AP1G1: variants seen among roughly 807,000 people sequenced by gnomAD.
AP1G1 encodes AP-1 complex subunit gamma-1.
Under a neutral mutation model 108.3 loss-of-function variants are expected in AP1G1, and 7 were observed. That is an observed-to-expected ratio of 0.06 (90% CI 0.04 to 0.12). The LOEUF is 0.12. AP1G1 is among the 10% of genes least tolerant of loss of function. The pLI, the probability that AP1G1 is intolerant of heterozygous loss-of-function variation, is 1.00. For missense variants in AP1G1, 756 were observed against 1,010.7 expected, an observed-to-expected ratio of 0.75 and a Z score of 3.42; for synonymous variants, 379 against 353.5, an observed-to-expected ratio of 1.07 and a Z score of -0.81.
intron 8 of AP1G1, 75 bp downstream of exon 8, chr16:71,764,571 C>T: frequency 7.6e-7 from 1 of 1,308,514 alleles, no homozygotes; most frequent in Non-Finnish European, 1.0e-6. Context: ...ATAAAAACTG[C>T]TCCATATAAC....
At chr16:71,743,787 A>G (rs890242335) in intron 19 of AP1G1, among the ~76,000 whole-genome samples, 9 of 150,524 alleles carry the variant, frequency 6.0e-5, no homozygotes, top group African/African-American at 2.2e-4. Flanking sequence ...CTCTCCTAAA[A>G]CTACAAAAAT....
At chr16:71,736,008 G>A (rs1263189179) in intron 21 of AP1G1, among the ~76,000 whole-genome samples, 1 of 146,996 alleles carries the variant, frequency 6.8e-6, no homozygotes, top group African/African-American at 2.5e-5. Flanking sequence ...GCGCATGCCT[G>A]TAATCCCAGC....
intron 6 of AP1G1, among the ~76,000 whole-genome samples, chr16:71,768,515 A>G (rs2031416325): frequency 2.0e-5 from 3 of 151,022 alleles, no homozygotes; most frequent in Admixed American, 6.6e-5. Context: ...AAAAAAAAAG[A>G]GAGAAGGGAG....
intron 11 of AP1G1, among the ~76,000 whole-genome samples, chr16:71,757,785 A>G (rs2030875415): frequency 1.3e-5 from 2 of 152,190 alleles, no homozygotes; most frequent in African/African-American, 4.8e-5. Flanking sequence ...TGAAATTCAC[A>G]GCCCAGTAAT....
Position 71,749,973 on chromosome 16 carries a change from A to G in AP1G1, c.1418T>C (p.Val473Ala), listed in dbSNP as rs1325315149. The change falls in exon 15 of 23, where the codon GTA becomes GCA. Residue 473 changes from valine (V) to alanine (A), a missense_variant. Val to Ala is a moderately conservative substitution (Grantham distance 64, BLOSUM62 0). Coordinates refer to ENST00000299980, the MANE Select transcript of AP1G1 (RefSeq NM_001128.6). ...ILGDYSQQPL[V>A]QVAAWCIGEY... ...ACCTATACACCATGCAGCCACTTGTACCAAAGGTTGCTGTGAAAAGAAAAG... is the reference window on the plus strand; with the variant it reads ...ACCTATACACCATGCAGCCACTTGTGCCAAAGGTTGCTGTGAAAAGAAAAG... 3.7e-6 allele frequency: 6 copies of G among 1,612,774 alleles called. No homozygotes were observed. Among genetic ancestry groups the G allele is most frequent in the Middle Eastern group, 1.7e-4 (1 of 6,058 alleles).
intron 1 of AP1G1, among the ~76,000 whole-genome samples, chr16:71,799,827 A>C (rs1159463352): frequency 6.6e-6 from 1 of 151,904 alleles, no homozygotes. Flanking sequence ...TGAACCCAGG[A>C]AGCAGAGCAT....
chr16:71,771,358 T>A (rs2031562012), intron 4 of AP1G1, 106 bp from the exon 5 acceptor site: 1 of 620,184 alleles, frequency 1.6e-6, no homozygotes, highest in Non-Finnish European at 2.7e-6. Flanking sequence ...CTAGTTCATC[T>A]ACTAGAAAAA....
At chr16:71,755,874 G>C in intron 12 of AP1G1, 145 bp downstream of exon 12, 1 of 823,172 alleles carries the variant, frequency 1.2e-6, no homozygotes, top group Non-Finnish European at 1.9e-6. Context: ...TCGAACTCCT[G>C]ACTTCATGAT....
chr16:71,765,432 C>T, intron 7 of AP1G1, 57 bp downstream of exon 7: 1 of 1,260,300 alleles, frequency 7.9e-7, no homozygotes, highest in Non-Finnish European at 1.1e-6. Context: ...AGGAAATTGT[C>T]TACTTAAAGA....
chr16:71,757,410 C>T (rs2030856895), intron 11 of AP1G1, among the ~76,000 whole-genome samples: 1 of 150,404 alleles, frequency 6.6e-6, no homozygotes, highest in Non-Finnish European at 1.5e-5. Context: ...GAGGTCGCAC[C>T]ACCACACTCC....
At chr16:71,733,341 A>G (rs1490494988) in intron 22 of AP1G1, among the ~76,000 whole-genome samples, 182 bp from the exon 23 acceptor site, 1 of 152,194 alleles carries the variant, frequency 6.6e-6, no homozygotes, top group African/African-American at 2.4e-5. Context: ...AGAAGCTAAC[A>G]ATGTCATGCC....
At chr16:71,755,916 C>T (rs1010126095) in intron 12 of AP1G1, 103 bp downstream of exon 12, 2 of 1,299,326 alleles carry the variant, frequency 1.5e-6, no homozygotes, top group Non-Finnish European at 2.1e-6. Flanking sequence ...ACTGCTGAGA[C>T]TGCAGGCGTG....
At chr16:71,749,008 G>A (rs2030340940) in intron 15 of AP1G1, among the ~76,000 whole-genome samples, 2 of 152,002 alleles carry the variant, frequency 1.3e-5, no homozygotes, top group African/African-American at 4.8e-5. Flanking sequence ...CCGGGTTCAC[G>A]CCATTCTCCT....
chr16:71,733,434 G>A (rs544662875), intron 22 of AP1G1, among the ~76,000 whole-genome samples: 1 of 118,878 alleles, frequency 8.4e-6, no homozygotes, highest in African/African-American at 3.1e-5. Flanking sequence ...CTCCTTGGGA[G>A]CATTTTTTCT....
chr16:71,735,253 C>T (rs904405652), intron 21 of AP1G1, among the ~76,000 whole-genome samples: 2 of 152,180 alleles, frequency 1.3e-5, no homozygotes, highest in East Asian at 1.9e-4. Flanking sequence ...CTCCACATGA[C>T]AGAAGGAACG....
chr16:71,761,828 A>G (rs1029902592), intron 9 of AP1G1, among the ~76,000 whole-genome samples: 2 of 151,264 alleles, frequency 1.3e-5, no homozygotes, highest in African/African-American at 4.8e-5. Context: ...AAAAAAAAAA[A>G]AAAAAAAAAA....
chr16:71,768,023 G>C (rs2031385925), intron 6 of AP1G1: 7 of 885,984 alleles, frequency 7.9e-6, no homozygotes, highest in Non-Finnish European at 1.2e-5. Context: ...AGCCAAAAAA[G>C]AACTCCTGTT....
At chr16:71,736,591 TTTATTTA>T (rs1246071671) in intron 21 of AP1G1, among the ~76,000 whole-genome samples, 5 of 143,974 alleles carry the variant, frequency 3.5e-5, no homozygotes, top group African/African-American at 1.0e-4. Flanking sequence ...TATTTATTTA[TTTATTTA>T]TTTTTTGAGA....
intron 6 of AP1G1, among the ~76,000 whole-genome samples, chr16:71,769,244 T>C (rs977365087): frequency 4.6e-5 from 7 of 151,562 alleles, no homozygotes; most frequent in East Asian, 1.9e-4. Flanking sequence ...GATCACGCCA[T>C]TGCACTCCAG....
Sources: allele counts gnomAD v4.1 joint callset (sites outside exome capture counted in the v4.1 genomes callset), GRCh38; gene constraint gnomAD v4.1.1; transcripts MANE v1.5; gene names NCBI Gene and HGNC (gene_info 2026-07-23, HGNC 2026-07-21).